The following PIGN variants were observed in gnomAD, a reference collection of about 807,000 sequenced individuals.
PIGN encodes the protein GPI ethanolamine phosphate transferase 1.
PIGN carries 117 observed loss-of-function variants against 125.4 expected under a neutral mutation model. That is an observed-to-expected ratio of 0.93 (90% CI 0.80 to 1.09). The LOEUF is 1.09. Among genes scored for constraint, PIGN ranks in the 50% least tolerant of loss-of-function variants. The probability of loss-of-function intolerance (pLI) is 0.00; values close to 1 mark genes in which losing one functional copy is unlikely to be tolerated. For missense variants in PIGN, 1,075 were observed against 1,094.9 expected, an observed-to-expected ratio of 0.98 and a Z score of 0.26; for synonymous variants, 392 against 377.8, an observed-to-expected ratio of 1.04 and a Z score of -0.44.
intron 4 of PIGN, among the ~76,000 whole-genome samples, chr18:62,158,547 T>C (rs965850637): frequency 1.2e-4 from 18 of 152,202 alleles, no homozygotes; most frequent in African/African-American, 4.3e-4. Flanking sequence ...TCCACAGTGA[T>C]TTGCAAAATT....
intron 1 of PIGN, among the ~76,000 whole-genome samples, chr18:62,167,136 C>T (rs17062583): frequency 0.34 from 51,322 of 151,872 alleles, 9,354 homozygotes; most frequent in East Asian, 0.72. Flanking sequence ...AGAACACAGA[C>T]TGACACCTCG....
intron 14 of PIGN, among the ~76,000 whole-genome samples, chr18:62,121,439 T>A (rs577618701): frequency 6.6e-6 from 1 of 152,192 alleles, no homozygotes; most frequent in Non-Finnish European, 1.5e-5. Context: ...TATTATTCAA[T>A]AAATATTGAA....
At chr18:62,159,016 C>G (rs1311167398) in intron 4 of PIGN, among the ~76,000 whole-genome samples, 2 of 152,190 alleles carry the variant, frequency 1.3e-5, no homozygotes, top group Admixed American at 6.5e-5. Context: ...CTTTGGGAAG[C>G]TGAGGCAGGT....
rs1453724985 is a variant in PIGN, at chr18:62,146,875, C to A, written c.805+96G>T. 2.6e-5 allele frequency: 32 copies of A among 1,254,034 alleles called. No individual in the cohort carries two copies. In the East Asian group the frequency reaches 7.8e-4, roughly 30 times the overall value. 77.7% of individuals were successfully genotyped at this position (1,254,034 alleles called of 1,614,324 possible). On this transcript the variant is annotated intron_variant, in intron 9 of 30. Coordinates refer to ENST00000640252, the MANE Select transcript of PIGN (RefSeq NM_176787.5). ...TATGTGCTAGACATTTTGTATACAG[C>A]AAGACATCTAATCCTCTCAACATCA...
At chr18:62,147,941 T>C (rs1454444022) in intron 8 of PIGN, among the ~76,000 whole-genome samples, 3 of 152,074 alleles carry the variant, frequency 2.0e-5, no homozygotes, top group Admixed American at 6.5e-5. Context: ...TATATAGATA[T>C]TTTAGATAAT....
intron 23 of PIGN, among the ~76,000 whole-genome samples, chr18:62,018,856 G>GCA (rs1483106658): frequency 6.6e-6 from 1 of 151,908 alleles, no homozygotes; most frequent in African/African-American, 2.4e-5. Context: ...GAAAACACAC[G>GCA]CACACACATA....
intron 16 of PIGN, 58 bp downstream of exon 16, chr18:62,113,076 G>T: frequency 7.8e-7 from 1 of 1,286,090 alleles, no homozygotes; most frequent in East Asian, 2.5e-5. Flanking sequence ...TCATTACACT[G>T]GATTCAGTAC....
chr18:62,107,141 C>T (rs2034678094), intron 17 of PIGN, 56 bp from the exon 18 acceptor site: 1 of 1,087,134 alleles, frequency 9.2e-7, no homozygotes, highest in East Asian at 2.6e-5. Context: ...CATAGTATAA[C>T]AATACAAACT....
chr18:62,161,123 A>G lies in PIGN; in HGVS notation c.221+10T>C. The G allele has an allele frequency of 6.4e-7, 1 of 1,558,490 alleles. No homozygotes were observed. The highest frequency in any genetic ancestry group is 8.8e-7 in the Non-Finnish European group (1 of 1,131,286). ...TTAAGAGATGTCTCTGTATCAGTTT[A>G]CATGCTTACCTAATAAACGGTGCTC... On this transcript the variant is annotated intron_variant, in intron 4 of 30. Coordinates refer to ENST00000640252, the MANE Select transcript of PIGN (RefSeq NM_176787.5).
intron 23 of PIGN, among the ~76,000 whole-genome samples, chr18:62,021,910 A>G (rs921555022): frequency 2.6e-5 from 4 of 152,160 alleles, no homozygotes; most frequent in Non-Finnish European, 5.9e-5. Flanking sequence ...GTGTTGGCAG[A>G]TTTAGTTCCT....
chr18:62,028,173 G>T (rs1487221905), intron 23 of PIGN, among the ~76,000 whole-genome samples: 1 of 152,202 alleles, frequency 6.6e-6, no homozygotes, highest in Non-Finnish European at 1.5e-5. Flanking sequence ...GAGATGATAA[G>T]AACAGCTGAC....
At chr18:62,038,689 T>C (rs2030295194), downstream of PIGN, among the ~76,000 whole-genome samples, 1 of 152,110 alleles carries the variant, frequency 6.6e-6, no homozygotes. Flanking sequence ...TCCCAATACT[T>C]TGGGAGACCA....
At chr18:62,080,520 C>T (rs531895079) in intron 28 of PIGN, among the ~76,000 whole-genome samples, 190 of 152,278 alleles carry the variant, frequency 1.2e-3, no homozygotes, top group African/African-American at 4.3e-3. Flanking sequence ...AAATCTGCTA[C>T]ATGGGGCCTT....
chr18:62,141,415 C>T (rs1007733636), intron 11 of PIGN, among the ~76,000 whole-genome samples: 6 of 152,360 alleles, frequency 3.9e-5, no homozygotes, highest in Admixed American at 1.3e-4. Flanking sequence ...TAGGCCACTC[C>T]TTTCTTGGCC....
intron 14 of PIGN, among the ~76,000 whole-genome samples, chr18:62,122,716 T>A (rs1379248659): frequency 2.6e-5 from 4 of 152,218 alleles, no homozygotes; most frequent in African/African-American, 9.6e-5. Context: ...ATTGATTTAC[T>A]TGGTACAAGA....
intron 25 of PIGN, among the ~76,000 whole-genome samples, chr18:62,087,084 A>G (rs116507899): frequency 1.4e-4 from 21 of 152,204 alleles, no homozygotes; most frequent in African/African-American, 5.1e-4. Flanking sequence ...GGAAAAACAC[A>G]TCTTAGAGTT....
intron 4 of PIGN, 176 bp from the exon 5 acceptor site, chr18:62,157,984 C>A (rs2036803138): frequency 1.8e-6 from 1 of 546,134 alleles, no homozygotes; most frequent in Admixed American, 3.2e-5. Flanking sequence ...CATCTACCAG[C>A]TGAATGCAGC....
At chr18:62,120,551 T>TA (rs1237315413) in intron 14 of PIGN, among the ~76,000 whole-genome samples, 1 of 152,076 alleles carries the variant, frequency 6.6e-6, no homozygotes, top group Non-Finnish European at 1.5e-5. Context: ...AGTTGAAATG[T>TA]AGCAATATAC....
intron 10 of PIGN, among the ~76,000 whole-genome samples, chr18:62,144,374 T>C (rs542495902): frequency 6.6e-6 from 1 of 152,318 alleles, no homozygotes; most frequent in South Asian, 2.1e-4. Flanking sequence ...AGCACTGCAC[T>C]CGGAACATAC....
Sources: allele counts gnomAD v4.1 joint callset (sites outside exome capture counted in the v4.1 genomes callset), GRCh38; gene constraint gnomAD v4.1.1; transcripts MANE v1.5; gene names NCBI Gene and HGNC (gene_info 2026-07-23, HGNC 2026-07-21).